The following PDE10A variants were observed in gnomAD, a reference collection of about 807,000 sequenced individuals.
The protein encoded by PDE10A is phosphodiesterase 10A.
Under a neutral mutation model 97.7 loss-of-function variants are expected in PDE10A, and 39 were observed. The ratio of observed to expected loss-of-function variants is 0.40; its 90% CI spans 0.31 to 0.52. The LOEUF (loss-of-function observed/expected upper bound fraction) is 0.52, where lower values mean the gene tolerates loss of function less well. PDE10A is among the 20% of genes least tolerant of loss of function. The pLI, the probability that PDE10A is intolerant of heterozygous loss-of-function variation, is 0.56. For synonymous variants in PDE10A, 371 were observed against 376.8 expected (o/e 0.98, Z 0.18); for missense variants, 731 against 1,047.8 (o/e 0.70, Z 4.17).
intron 13 of PDE10A, among the ~76,000 whole-genome samples, chr6:165,410,247 T>C (rs1787635227): frequency 6.6e-6 from 1 of 152,188 alleles, no homozygotes; most frequent in Admixed American, 6.5e-5. Context: ...AAGGTGAACT[T>C]CAGTAAATTC....
intron 1 of PDE10A, among the ~76,000 whole-genome samples, chr6:165,613,525 G>T (rs891933234): frequency 1.3e-5 from 2 of 152,200 alleles, no homozygotes; most frequent in East Asian, 3.9e-4. Context: ...TATAGTCCCA[G>T]CTATTCGGGA....
At chr6:165,770,092 G>C (rs545242968) in intron 1 of PDE10A, among the ~76,000 whole-genome samples, 47 of 150,064 alleles carry the variant, frequency 3.1e-4, no homozygotes, top group Non-Finnish European at 1.5e-5. Context: ...TCCGTCTCTA[G>C]TCCTAAGTAC....
intron 2 of PDE10A, among the ~76,000 whole-genome samples, chr6:165,497,228 T>G (rs16897930): frequency 0.061 from 9,270 of 152,274 alleles, 492 homozygotes; most frequent in East Asian, 0.25. Flanking sequence ...TGTTGTAGTA[T>G]AATCTTTTGT....
intron 10 of PDE10A, among the ~76,000 whole-genome samples, chr6:165,422,030 C>T (rs1410503422): frequency 6.7e-6 from 1 of 150,064 alleles, no homozygotes; most frequent in African/African-American, 2.5e-5. Context: ...TGCCACTGCA[C>T]TCCAGCCAGG....
At chr6:165,443,124 A>G (rs1790593542) in intron 5 of PDE10A, among the ~76,000 whole-genome samples, 1 of 151,342 alleles carries the variant, frequency 6.6e-6, no homozygotes, top group Non-Finnish European at 1.5e-5. Context: ...AAAAAAAAAA[A>G]AAAAAAAAAA....
chr6:165,710,759 G>A (rs1562698021), intron 1 of PDE10A, among the ~76,000 whole-genome samples: 1 of 152,136 alleles, frequency 6.6e-6, no homozygotes, highest in Non-Finnish European at 1.5e-5. Flanking sequence ...GACTAATTTG[G>A]CTGCTGTATT....
chr6:165,653,950 T>C (rs761594153), intron 1 of PDE10A, among the ~76,000 whole-genome samples: 14 of 152,140 alleles, frequency 9.2e-5, no homozygotes, highest in Middle Eastern at 3.2e-3. Flanking sequence ...CTGCGCATCT[T>C]GAGCCTGGCG....
At chr6:165,475,481 C>T (rs1779242849) in intron 3 of PDE10A, among the ~76,000 whole-genome samples, 1 of 152,170 alleles carries the variant, frequency 6.6e-6, no homozygotes, top group African/African-American at 2.4e-5. Flanking sequence ...CTGCTGCATG[C>T]CATAAAATTC....
intron 1 of PDE10A, among the ~76,000 whole-genome samples, chr6:165,619,594 C>A (rs1562635321): frequency 3.3e-5 from 5 of 150,798 alleles, no homozygotes; most frequent in African/African-American, 1.2e-4. Context: ...GTACTGTAGT[C>A]TAGCGTAGTG....
chr6:165,968,432 A>C (rs543117142), intron 1 of PDE10A, among the ~76,000 whole-genome samples: 2 of 152,326 alleles, frequency 1.3e-5, no homozygotes, highest in Admixed American at 6.5e-5. Context: ...ACCACCCACT[A>C]TCACAATGGG....
chr6:165,626,063 T>C (rs1788371665), intron 1 of PDE10A, among the ~76,000 whole-genome samples: 1 of 151,968 alleles, frequency 6.6e-6, no homozygotes, highest in South Asian at 2.1e-4. Context: ...GAGGATGAAG[T>C]GGGGCAGCGA....
chr6:165,726,906 G>A (rs1792311654), intron 1 of PDE10A, among the ~76,000 whole-genome samples: 1 of 152,240 alleles, frequency 6.6e-6, no homozygotes, highest in Non-Finnish European at 1.5e-5. Context: ...TGACAGAGAA[G>A]CTCAAATGTG....
chr6:165,869,573 C>A (rs751666063), intron 1 of PDE10A, among the ~76,000 whole-genome samples: 19 of 152,090 alleles, frequency 1.2e-4, no homozygotes, highest in Admixed American at 2.0e-4. Context: ...CAATAACATT[C>A]TTTGCAGAAA....
At chr6:165,876,209 G>T (rs1206199157) in intron 1 of PDE10A, among the ~76,000 whole-genome samples, 1 of 151,992 alleles carries the variant, frequency 6.6e-6, no homozygotes, top group Admixed American at 6.5e-5. Context: ...CAGCAAGAAG[G>T]GGGTATACTT....
chr6:165,924,774 T>C lies in PDE10A; in HGVS notation c.-615+62755A>G, dbSNP rs146721173. ...TATATGGAAATTAACCCAAAATGGA[T>C]CACAAACTTAAATGTAAAACATAAA... On this transcript the variant is annotated intron_variant, in intron 1 of 19. Transcript: ENST00000366882. 3.7e-3 allele frequency among the ~76,000 whole-genome samples: 567 copies of C among 152,274 alleles called. 3 individuals are homozygous for C. Among genetic ancestry groups the C allele is most frequent in the African/African-American group, 0.013 (552 of 41,540 alleles).
chr6:165,395,118 T>A lies in PDE10A; in HGVS notation c.2303+63A>T. ...CAAAGATCGTGGTGAGGCATATATG[T>A]AGAAGGAGGAAGAGGTTATGTCACC... On this transcript the variant is annotated intron_variant, in intron 15 of 21. Transcript: ENST00000539869. The A allele has an allele frequency of 3.1e-6, 3 of 983,276 alleles. No individual in the cohort carries two copies. In the Admixed American group the frequency reaches 5.4e-5, roughly 18 times the overall value. 60.9% of individuals were successfully genotyped at this position (983,276 alleles called of 1,614,324 possible).
chr6:165,922,177 T>A lies in PDE10A; in HGVS notation c.-615+65352A>T, dbSNP rs115660441. Among the ~76,000 whole-genome samples the A allele has an allele frequency of 7.6e-3, 1,159 of 152,324 alleles. 16 individuals carry two copies. Among genetic ancestry groups the A allele is most frequent in the African/African-American group, 0.025 (1,027 of 41,578 alleles). ...AACAGAAAGCATGGGATCTCCATCATCTGAGATGGGAAGGCTGAGATTAAG... is the reference window on the plus strand; with the variant it reads ...AACAGAAAGCATGGGATCTCCATCAACTGAGATGGGAAGGCTGAGATTAAG... On this transcript the variant is annotated intron_variant, in intron 1 of 19. Coordinates refer to the PDE10A transcript ENST00000366882.
chr6:165,981,754 A>G (rs1785024036), intron 1 of PDE10A, among the ~76,000 whole-genome samples: 1 of 152,174 alleles, frequency 6.6e-6, no homozygotes, highest in South Asian at 2.1e-4. Flanking sequence ...TGCTTGTATG[A>G]CTGTTTGTTT....
rs545867547 is a variant in PDE10A at position 165,610,463 on chromosome 6, G to A, written c.865+51484C>T. 8.6e-5 allele frequency among the ~76,000 whole-genome samples: 13 copies of A among 151,708 alleles called. No individual in the cohort carries two copies. In the South Asian group the frequency reaches 2.5e-3, roughly 29 times the overall value. ...GGAGAATAGCGTGAACCCAGGAGGC[G>A]GAGCTTGCCGTGAGCTGAGATCGCG... On this transcript the variant is annotated intron_variant, in intron 1 of 21. Coordinates refer to ENST00000539869, the MANE Select transcript of PDE10A (RefSeq NM_001385079.1).
Sources: allele counts gnomAD v4.1 joint callset (sites outside exome capture counted in the v4.1 genomes callset), GRCh38; gene constraint gnomAD v4.1.1; transcripts MANE v1.5; gene names NCBI Gene and HGNC (gene_info 2026-07-23, HGNC 2026-07-21).